The following ARL13B variants were observed in gnomAD, a reference collection of about 807,000 sequenced individuals.
The protein encoded by ARL13B is ARF like GTPase 13B, also known as ADP-ribosylation factor-like protein 13B.
A neutral mutation model predicts 56.1 loss-of-function variants in ARL13B; 36 were observed. The ratio of observed to expected loss-of-function variants is 0.64; its 90% confidence interval spans 0.49 to 0.85. The LOEUF (loss-of-function observed/expected upper bound fraction) is 0.85. Ranked by LOEUF, ARL13B falls within the 40% of genes least tolerant of loss-of-function variation. The pLI is 0.00. For synonymous variants in ARL13B, 178 were observed against 171.1 expected (o/e 1.04, Z -0.32); for missense variants, 519 against 507.1 (o/e 1.02, Z -0.23).
At chr3:93,994,260 A>C (rs1389677583) in intron 1 of ARL13B, among the ~76,000 whole-genome samples, 1 of 151,978 alleles carries the variant, frequency 6.6e-6, no homozygotes, top group African/African-American at 2.4e-5. Context: ...TCTGTACCTA[A>C]GTGTCTTTGC....
intron 6 of ARL13B, among the ~76,000 whole-genome samples, chr3:94,042,812 T>C (rs2076885280): frequency 6.6e-6 from 1 of 152,176 alleles, no homozygotes; most frequent in South Asian, 2.1e-4. Flanking sequence ...AATATTTGTT[T>C]GCTTTTGTTA....
At chr3:93,986,070 C>T (rs1339629093) in intron 1 of ARL13B, among the ~76,000 whole-genome samples, 1 of 152,124 alleles carries the variant, frequency 6.6e-6, no homozygotes, top group East Asian at 1.9e-4. Context: ...TACAGATTAG[C>T]AAGGATTATC....
At chr3:94,048,177 C>G (rs2077011960) in intron 7 of ARL13B, 1 of 152,278 alleles carries the variant, frequency 6.6e-6, no homozygotes, top group South Asian at 2.1e-4. Flanking sequence ...AAAAGCCCAT[C>G]TCTACAAAAA....
rs770638640 is a variant in ARL13B, at chr3:94,049,504, C to T, written c.1123C>T (p.Pro375Ser). ...CTGTGCTCCTGAGAGTCCAACGCCA[C>T]CCCCACCCCCTCCTCCTGGTGAGTA... The part of the protein sequence containing the change: ...DDCAPESPTP[P>S]PPPPPVGWGT... The change falls in exon 8 of 10, where the codon CCC (proline) becomes TCC (serine). Residue 375 changes from proline (P) to serine (S), a missense_variant. Coordinates refer to ENST00000394222, the MANE Select transcript of ARL13B (RefSeq NM_001174150.2). The T allele has an allele frequency of 2.2e-5, 35 of 1,593,896 alleles. No homozygotes were observed. The highest frequency in any genetic ancestry group is 3.0e-5 in the Non-Finnish European group (35 of 1,165,198).
Position 94,042,821 on chromosome 3 carries a change from T to TA in ARL13B, c.799-193dup, listed in dbSNP as rs568897273. 1.2e-3 allele frequency among the ~76,000 whole-genome samples: 190 copies of TA among 152,308 alleles called. 1 individual carries two copies. The Middle Eastern group carries it at 0.02, about 16-fold the overall frequency. ...ACTGGTAATATTTGTTTGCTTTTGT[T>TA]ATACTTTCTGTTTTACTGAATGTTT... On this transcript the variant is annotated intron_variant, in intron 6 of 9. Transcript: ENST00000394222.
At chr3:94,001,109 ATAT>A (rs1224081682) in intron 2 of ARL13B, among the ~76,000 whole-genome samples, 2 of 152,158 alleles carry the variant, frequency 1.3e-5, no homozygotes. Context: ...AGAGGACAGA[ATAT>A]TATGATAGAG....
At chr3:94,025,926 G>T (rs529831102) in intron 3 of ARL13B, among the ~76,000 whole-genome samples, 1 of 152,008 alleles carries the variant, frequency 6.6e-6, no homozygotes, top group South Asian at 2.1e-4. Context: ...CAGCTTTAAG[G>T]TAAAGTATTT....
intron 1 of ARL13B, chr3:93,988,996 A>AGAGCCT (rs1710610069): frequency 3.6e-6 from 1 of 280,598 alleles, no homozygotes; most frequent in African/African-American, 2.3e-5. Context: ...CACGGAGCTG[A>AGAGCCT]GAGCCTTCGC....
At chr3:94,033,185 G>T (rs1018527481) in intron 3 of ARL13B, among the ~76,000 whole-genome samples, 3 of 152,198 alleles carry the variant, frequency 2.0e-5, no homozygotes, top group Admixed American at 6.5e-5. Flanking sequence ...GACATGGAGT[G>T]TGGATTAATA....
intron 3 of ARL13B, among the ~76,000 whole-genome samples, chr3:94,016,959 G>T (rs1302428662): frequency 6.6e-6 from 1 of 152,078 alleles, no homozygotes; most frequent in East Asian, 1.9e-4. Flanking sequence ...TAAGCTTTCT[G>T]TCAGAACCAT....
intron 3 of ARL13B, among the ~76,000 whole-genome samples, chr3:94,032,967 T>G (rs2076703345): frequency 6.6e-6 from 1 of 152,226 alleles, no homozygotes; most frequent in Admixed American, 6.5e-5. Flanking sequence ...TCAACCTAAA[T>G]GTCCTTCAAT....
chr3:94,032,893 A>G (rs181685116), intron 3 of ARL13B, among the ~76,000 whole-genome samples: 6 of 152,352 alleles, frequency 3.9e-5, no homozygotes, highest in Admixed American at 3.3e-4. Flanking sequence ...ATCATTATAC[A>G]AGAAAAGATA....
chr3:94,053,246 C>T lies in ARL13B; in HGVS notation c.1270C>T (p.His424Tyr), dbSNP rs886058932. Residue 424 changes from histidine to tyrosine, a missense_variant, in exon 10 of 10, where the codon CAT (histidine) becomes TAT (tyrosine). His to Tyr is a moderately conservative substitution (Grantham distance 83). Coordinates refer to ENST00000394222, the MANE Select transcript of ARL13B (RefSeq NM_001174150.2). ...AVPQRPNSDA[H>Y]DVIS The stretch of plus-strand genomic sequence containing the variant: ...GCCACAGCGACCTAACAGTGATGCT[C>T]ATGATGTGATCTCATAAACAAGACG... The T allele has an allele frequency of 1.8e-5, 29 of 1,613,372 alleles. No homozygotes were observed. In the East Asian group the frequency reaches 5.6e-4, roughly 31 times the overall value.
intron 3 of ARL13B, among the ~76,000 whole-genome samples, chr3:94,004,971 C>T (rs1229997451): frequency 6.6e-6 from 1 of 151,890 alleles, no homozygotes; most frequent in East Asian, 1.9e-4. Context: ...GATTTCTAGA[C>T]TAAAGTAAAA....
At chr3:93,992,582 A>G (rs1290116309) in intron 1 of ARL13B, among the ~76,000 whole-genome samples, 1 of 152,232 alleles carries the variant, frequency 6.6e-6, no homozygotes, top group African/African-American at 2.4e-5. Context: ...CTTAATATTT[A>G]TGGAATAAAT....
At chr3:94,028,117 TAAA>T (rs975397939) in intron 3 of ARL13B, among the ~76,000 whole-genome samples, 1 of 152,182 alleles carries the variant, frequency 6.6e-6, no homozygotes, top group Non-Finnish European at 1.5e-5. Context: ...TTAAAAGACT[TAAA>T]AATTTTTTCT....
chr3:94,010,439 C>T (rs1446386210), intron 3 of ARL13B, among the ~76,000 whole-genome samples: 1 of 151,972 alleles, frequency 6.6e-6, no homozygotes, highest in Non-Finnish European at 1.5e-5. Context: ...CAGAAAATGG[C>T]ACAGTTTAGT....
At chr3:94,011,782 T>G (rs796357185) in intron 3 of ARL13B, among the ~76,000 whole-genome samples, 14 of 152,204 alleles carry the variant, frequency 9.2e-5, no homozygotes, top group African/African-American at 3.4e-4. Flanking sequence ...TCACTCTACA[T>G]ATCTCTCTAG....
At position 94,043,032 on chromosome 3, in the gene ARL13B, AAGAG is replaced by A. The variant is rs1240355872; in HGVS notation, c.820_823del (p.Glu274LysfsTer15). On this transcript the variant is annotated frameshift_variant, in exon 7 of 10. Coordinates refer to ENST00000394222, the MANE Select transcript of ARL13B (RefSeq NM_001174150.2). LOFTEE classifies it high-confidence loss of function. ...TTTGTTAGAATGAAGGAAAACTTGA[AAGAG>A]AGAAAAAAAACCAAAAAATGGAGAA... The A allele has an allele frequency of 6.2e-7, 1 of 1,609,548 alleles. No individual in the cohort carries two copies. The highest frequency in any genetic ancestry group is 8.5e-7 in the Non-Finnish European group (1 of 1,178,528).
Sources: allele counts gnomAD v4.1 joint callset (sites outside exome capture counted in the v4.1 genomes callset), GRCh38; gene constraint gnomAD v4.1.1; transcripts MANE v1.5; gene names NCBI Gene and HGNC (gene_info 2026-07-23, HGNC 2026-07-21).